Variants in ASH1L observed in about 807,000 individuals in gnomAD.
ASH1L encodes histone-lysine N-methyltransferase ASH1L.
ASH1L carries 23 observed loss-of-function variants against 269.0 expected under a neutral mutation model. That is an observed-to-expected ratio of 0.09 (90% CI 0.06 to 0.12). The LOEUF (loss-of-function observed/expected upper bound fraction) is 0.12, where lower values mean the gene tolerates loss of function less well. ASH1L is among the 10% of genes least tolerant of loss of function. The pLI, the probability that ASH1L is intolerant of heterozygous loss-of-function variation, is 1.00. For synonymous variants in ASH1L, 1,187 were observed against 1,253.5 expected (o/e 0.95, Z 1.12); for missense variants, 2,912 against 3,567.8 (o/e 0.82, Z 4.68).
At chr1:155,443,488 C>T (rs1023620761) in intron 4 of ASH1L, among the ~76,000 whole-genome samples, 2 of 152,178 alleles carry the variant, frequency 1.3e-5, no homozygotes, top group African/African-American at 4.8e-5. Flanking sequence ...TTTATATATA[C>T]ATTTTTGAGT....
intron 1 of ASH1L, among the ~76,000 whole-genome samples, chr1:155,539,595 C>T (rs1031169669): frequency 3.2e-4 from 48 of 152,068 alleles, no homozygotes; most frequent in African/African-American, 1.1e-3. Context: ...ACTACAGGCA[C>T]ACACCAACCA....
rs1212762412 is a variant in ASH1L at position 155,411,582 on chromosome 1, AATAAATATATATATATATATAT to A, written c.6008+4140_6008+4161del. The stretch of plus-strand genomic sequence containing the variant: ...ATATAAATATGAATATAAATAAATA[AATAAATATATATATATATATAT>A]ATATATATATATATGTTTTCATCCA... On this transcript the variant is annotated intron_variant, in intron 6 of 27. Transcript: ENST00000392403. 1.4e-4 allele frequency among the ~76,000 whole-genome samples: 7 copies of A among 48,418 alleles called. 1 individual carries two copies. The highest frequency in any genetic ancestry group is 3.1e-3 in the East Asian group (2 of 638). The allele number at this position is 48,418 out of a possible 152,430, so 31.8% of individuals were successfully genotyped here.
intron 4 of ASH1L, among the ~76,000 whole-genome samples, chr1:155,448,029 A>G (rs1408865149): frequency 6.6e-6 from 1 of 152,092 alleles, no homozygotes; most frequent in Non-Finnish European, 1.5e-5. Context: ...TTTTGATTTC[A>G]GTTTTTGTAT....
At chr1:155,461,989 G>A (rs994245992) in intron 3 of ASH1L, among the ~76,000 whole-genome samples, 1 of 151,828 alleles carries the variant, frequency 6.6e-6, no homozygotes, top group Non-Finnish European at 1.5e-5. Flanking sequence ...TAGTAGAGAC[G>A]GGGTTCCATC....
intron 10 of ASH1L, among the ~76,000 whole-genome samples, chr1:155,375,783 A>G (rs1047214243): frequency 1.4e-5 from 2 of 143,772 alleles, no homozygotes; most frequent in African/African-American, 5.3e-5. Context: ...GGGCAACGAG[A>G]ATGAAACTTC....
rs112336879 is a variant in ASH1L, at chr1:155,417,488, C to CAAGG, written c.5829-1569_5829-1566dup. Reference sequence around the variant, plus strand: ...AAGGGTGAAATTCCATATGGCTGAACAAGGAACTACCAGAAAACTGTAACC... The same window carrying CAAGG: ...AAGGGTGAAATTCCATATGGCTGAACAAGGAAGGAACTACCAGAAAACTGTAACC... On this transcript the variant is annotated intron_variant, in intron 5 of 27. Coordinates refer to ENST00000392403, the MANE Select transcript of ASH1L (RefSeq NM_018489.3). Among the ~76,000 whole-genome samples the CAAGG allele has an allele frequency of 1.2e-3, 185 of 152,212 alleles. 2 individuals are homozygous for CAAGG. The highest frequency in any genetic ancestry group is 4.2e-3 in the African/African-American group (176 of 41,512).
intron 3 of ASH1L, among the ~76,000 whole-genome samples, chr1:155,465,289 C>CAAAAAAAAAAAAAAAAAAAAAAAA (rs1171228344): frequency 1.6e-5 from 1 of 62,578 alleles, no homozygotes; most frequent in African/African-American, 5.9e-5. Flanking sequence ...TACAAATTAG[C>CAAAAAAAAAAAAAAAAAAAAAAAA]AAAAAAAAAA....
chr1:155,472,585 C>T (rs1665184308), intron 3 of ASH1L, among the ~76,000 whole-genome samples: 1 of 152,138 alleles, frequency 6.6e-6, no homozygotes. Context: ...AAAGTTCCCT[C>T]TTTAAATAGC....
At chr1:155,353,171 T>C (rs144581675) in intron 16 of ASH1L, among the ~76,000 whole-genome samples, 15 of 152,304 alleles carry the variant, frequency 9.8e-5, no homozygotes, top group Admixed American at 2.0e-4. Flanking sequence ...TGTGTGATCT[T>C]GGGCAAGTTA....
At chr1:155,426,786 T>C (rs1661194499) in intron 5 of ASH1L, among the ~76,000 whole-genome samples, 1 of 152,242 alleles carries the variant, frequency 6.6e-6, no homozygotes, top group Non-Finnish European at 1.5e-5. Context: ...AAAATTTTTT[T>C]CTAGGCTACA....
chr1:155,357,509 A>G, intron 14 of ASH1L, 76 bp downstream of exon 14: 1 of 1,599,380 alleles, frequency 6.3e-7, no homozygotes, highest in Non-Finnish European at 8.6e-7. Flanking sequence ...ACCCTCTGGT[A>G]ATTCCCTTAT....
chr1:155,370,302 C>A, intron 12 of ASH1L: 2 of 617,708 alleles, frequency 3.2e-6, no homozygotes, highest in Admixed American at 3.1e-5. Context: ...AAACAGAACA[C>A]AAATAAAAAC....
intron 5 of ASH1L, among the ~76,000 whole-genome samples, chr1:155,424,859 G>A (rs1406225037): frequency 1.3e-5 from 2 of 152,102 alleles, no homozygotes; most frequent in Non-Finnish European, 2.9e-5. Flanking sequence ...AGGCTGGAGT[G>A]CAATGGCATG....
intron 5 of ASH1L, among the ~76,000 whole-genome samples, chr1:155,436,079 G>GT (rs1662062975): frequency 1.3e-5 from 2 of 152,200 alleles, no homozygotes; most frequent in East Asian, 3.9e-4. Context: ...AATAAGAATG[G>GT]TTTATTGCCT....
intron 5 of ASH1L, among the ~76,000 whole-genome samples, chr1:155,432,161 C>T (rs1312261970): frequency 1.3e-5 from 2 of 152,130 alleles, no homozygotes; most frequent in Non-Finnish European, 2.9e-5. Context: ...TACTCTACTC[C>T]ATGTTTTGAC....
chr1:155,491,693 T>A (rs1433629603), intron 2 of ASH1L, among the ~76,000 whole-genome samples: 1 of 152,044 alleles, frequency 6.6e-6, no homozygotes, highest in East Asian at 1.9e-4. Context: ...TTTTTGAGAC[T>A]GAGTTTAGCT....
rs114029693 is a variant in ASH1L at position 155,518,299 on chromosome 1, T to C, written c.420+2801A>G. Reference sequence around the variant, plus strand: ...AAACGATAAAACCCTCAGGAAAACATAGGGGGAAGACTTTCACAACATTGG... The same window carrying C: ...AAACGATAAAACCCTCAGGAAAACACAGGGGGAAGACTTTCACAACATTGG... On this transcript the variant is annotated intron_variant, in intron 2 of 27. Transcript: ENST00000392403. Among the ~76,000 whole-genome samples, 361 of 152,080 alleles carry C rather than the reference T, an allele frequency of 2.4e-3. 1 individual carries two copies. Among genetic ancestry groups the C allele is most frequent in the African/African-American group, 8.3e-3 (344 of 41,494 alleles).
chr1:155,504,720 G>A (rs549689132), intron 2 of ASH1L, among the ~76,000 whole-genome samples: 1 of 152,078 alleles, frequency 6.6e-6, no homozygotes, highest in East Asian at 1.9e-4. Context: ...CAGGCATGGT[G>A]GCACACAACT....
intron 5 of ASH1L, among the ~76,000 whole-genome samples, chr1:155,425,637 T>C (rs1463141197): frequency 1.3e-5 from 2 of 151,974 alleles, no homozygotes; most frequent in Admixed American, 6.6e-5. Flanking sequence ...GGTTTCACCA[T>C]GTTGGTCAGG....
Sources: gnomAD v4.1 joint callset for allele counts (sites outside exome capture counted in the v4.1 genomes callset) on GRCh38, gnomAD v4.1.1 for gene constraint, MANE v1.5 for transcripts, NCBI Gene and HGNC (gene_info 2026-07-23, HGNC 2026-07-21) for gene names.